The following GPC5 variants were observed in gnomAD, a reference collection of about 807,000 sequenced individuals.
GPC5 encodes the protein glypican 5, also known as glypican-5.
A neutral mutation model predicts 53.9 loss-of-function variants in GPC5; 47 were observed. That is an observed-to-expected ratio of 0.87 (90% CI 0.69 to 1.11). The LOEUF is 1.11. Ranked by LOEUF, GPC5 falls within the 50% of genes most tolerant of loss-of-function variation. The probability of loss-of-function intolerance (pLI) is 0.00; values close to 1 mark genes in which losing one functional copy is unlikely to be tolerated. For synonymous variants in GPC5, 286 were observed against 263.3 expected, an observed-to-expected ratio of 1.09 and a Z score of -0.84; for missense variants, 748 against 713.1, an observed-to-expected ratio of 1.05 and a Z score of -0.56.
At chr13:92,170,343 A>G (rs7998763) in intron 7 of GPC5, among the ~76,000 whole-genome samples, 2,589 of 150,224 alleles carry the variant, frequency 0.017, 76 homozygotes, top group African/African-American at 0.058. Context: ...TTTTCTGATG[A>G]TGCTAATTAC....
At chr13:92,008,403 T>G (rs1389814375) in intron 6 of GPC5, among the ~76,000 whole-genome samples, 1 of 152,118 alleles carries the variant, frequency 6.6e-6, no homozygotes, top group Non-Finnish European at 1.5e-5. Flanking sequence ...CATTTTTCAT[T>G]TTTCATTCCT....
At chr13:92,180,872 A>AT (rs2042141921) in intron 7 of GPC5, 2 of 188,598 alleles carry the variant, frequency 1.1e-5, no homozygotes, top group Admixed American at 1.1e-4. Context: ...GTTACAGGTG[A>AT]TTTTCATTGT....
intron 7 of GPC5, among the ~76,000 whole-genome samples, chr13:92,151,791 C>A (rs114207100): frequency 6.6e-6 from 1 of 152,104 alleles, no homozygotes; most frequent in Non-Finnish European, 1.5e-5. Context: ...CCCTATATCA[C>A]ATTATATGCC....
At chr13:92,300,182 G>A (rs1353514823) in intron 7 of GPC5, among the ~76,000 whole-genome samples, 1 of 152,124 alleles carries the variant, frequency 6.6e-6, no homozygotes, top group African/African-American at 2.4e-5. Flanking sequence ...GTCTCGGAAT[G>A]TTGTCGTGAG....
chr13:91,607,786 C>T (rs1566548342), intron 2 of GPC5, among the ~76,000 whole-genome samples: 1 of 152,084 alleles, frequency 6.6e-6, no homozygotes, highest in East Asian at 1.9e-4. Context: ...GTTCATGTTC[C>T]CTAACATTTG....
chr13:91,862,695 T>G (rs1283671452), intron 5 of GPC5, among the ~76,000 whole-genome samples: 1 of 152,088 alleles, frequency 6.6e-6, no homozygotes, highest in Non-Finnish European at 1.5e-5. Context: ...ACACAATACA[T>G]GCACAGTACA....
chr13:91,628,538 A>C (rs1293467497), intron 2 of GPC5, among the ~76,000 whole-genome samples: 5 of 151,800 alleles, frequency 3.3e-5, no homozygotes, highest in Admixed American at 3.3e-4. Flanking sequence ...TCAATCATTT[A>C]TCAGTTGAAG....
chr13:92,373,562 T>C (rs2043668218), intron 7 of GPC5, among the ~76,000 whole-genome samples: 1 of 152,224 alleles, frequency 6.6e-6, no homozygotes, highest in Non-Finnish European at 1.5e-5. Flanking sequence ...GCTTCATCTT[T>C]GTATTTTGTT....
At chr13:92,111,023 C>G (rs768124797) in intron 6 of GPC5, among the ~76,000 whole-genome samples, 1 of 152,142 alleles carries the variant, frequency 6.6e-6, no homozygotes, top group Non-Finnish European at 1.5e-5. Flanking sequence ...GAAGAGCTCC[C>G]TTTCCAACTG....
At chr13:91,542,692 T>A (rs1034463851) in intron 2 of GPC5, among the ~76,000 whole-genome samples, 1 of 152,014 alleles carries the variant, frequency 6.6e-6, no homozygotes, top group Admixed American at 6.6e-5. Flanking sequence ...TTTATTTTTT[T>A]ATTTTTTTGA....
Position 91,810,712 on chromosome 13 carries a change from G to A in GPC5, c.1280+54292G>A, listed in dbSNP as rs575152500. Reference sequence around the variant, plus strand: ...ATGATTGAACCAATTATGCTATGTCGTTATAACAGGTTATACATATTTTAA... The same window carrying A: ...ATGATTGAACCAATTATGCTATGTCATTATAACAGGTTATACATATTTTAA... On this transcript the variant is annotated intron_variant, in intron 5 of 7. Coordinates refer to ENST00000377067, the MANE Select transcript of GPC5 (RefSeq NM_004466.6). 8.6e-5 allele frequency among the ~76,000 whole-genome samples: 13 copies of A among 151,840 alleles called. No homozygotes were observed. The East Asian group carries it at 1.7e-3, about 20-fold the overall frequency.
In GPC5 at chr13:92,164,804, C is replaced by T. The variant is rs1435845290; in HGVS notation, c.1561+19815C>T. Among the ~76,000 whole-genome samples, 3 of 152,218 alleles carry T rather than the reference C, an allele frequency of 2.0e-5. No individual in the cohort carries two copies. In the East Asian group the frequency reaches 5.8e-4, roughly 29 times the overall value. On this transcript the variant is annotated intron_variant, in intron 7 of 7. Coordinates refer to ENST00000377067, the MANE Select transcript of GPC5 (RefSeq NM_004466.6). ...CCATGAGGGCTCTGCCCCTGCAGCA[C>T]CTCTGCCTGGACATCCAGGCATTTC...
intron 2 of GPC5, among the ~76,000 whole-genome samples, chr13:91,520,109 A>G (rs1885722652): frequency 6.6e-6 from 1 of 151,992 alleles, no homozygotes; most frequent in African/African-American, 2.4e-5. Flanking sequence ...TGGAACCATA[A>G]AAAAAAATTT....
At chr13:92,603,412 T>C (rs1884148222) in intron 7 of GPC5, among the ~76,000 whole-genome samples, 1 of 152,202 alleles carries the variant, frequency 6.6e-6, no homozygotes. Flanking sequence ...GTTCTGAGCA[T>C]TTTGTTTTGT....
At chr13:92,115,719 T>A (rs897659753) in intron 6 of GPC5, among the ~76,000 whole-genome samples, 32 of 152,284 alleles carry the variant, frequency 2.1e-4, no homozygotes, top group African/African-American at 7.0e-4. Flanking sequence ...GTATCAGTTG[T>A]TACTGTGACA....
chr13:91,831,933 C>T (rs1363683781), intron 5 of GPC5, among the ~76,000 whole-genome samples: 1 of 151,900 alleles, frequency 6.6e-6, no homozygotes, highest in Non-Finnish European at 1.5e-5. Flanking sequence ...TATGCATATT[C>T]TATCGATTTG....
At chr13:92,457,152 T>C (rs955145613) in intron 7 of GPC5, among the ~76,000 whole-genome samples, 2 of 152,116 alleles carry the variant, frequency 1.3e-5, no homozygotes, top group Non-Finnish European at 2.9e-5. Flanking sequence ...TCCAGCTGCA[T>C]CCATGTTCTC....
intron 7 of GPC5, among the ~76,000 whole-genome samples, chr13:92,326,409 T>C (rs1029186343): frequency 1.3e-5 from 2 of 152,118 alleles, no homozygotes; most frequent in African/African-American, 4.8e-5. Context: ...TACTAATATT[T>C]TTATAGAAAC....
chr13:91,442,415 T>C (rs1773634003), intron 1 of GPC5, among the ~76,000 whole-genome samples: 1 of 152,246 alleles, frequency 6.6e-6, no homozygotes, highest in Non-Finnish European at 1.5e-5. Context: ...GAACATGACA[T>C]CTACTCTCTT....
Sources: gnomAD v4.1 joint callset for allele counts (sites outside exome capture counted in the v4.1 genomes callset) on GRCh38, gnomAD v4.1.1 for gene constraint, MANE v1.5 for transcripts, NCBI Gene and HGNC (gene_info 2026-07-23, HGNC 2026-07-21) for gene names.